PCDHGA3: variants seen among roughly 807,000 people sequenced by gnomAD.
The protein encoded by PCDHGA3 is protocadherin gamma subfamily A, 3.
In PCDHGA3, 40 loss-of-function variants were observed where a neutral mutation model predicts 58.5. That is an observed-to-expected ratio of 0.68 (90% CI 0.53 to 0.89). PCDHGA3 has a LOEUF of 0.89. Ranked by LOEUF, PCDHGA3 falls within the 40% of genes least tolerant of loss-of-function variation. PCDHGA3 has a pLI of 0.00. For missense variants in PCDHGA3, 1,223 were observed against 1,195.9 expected, an observed-to-expected ratio of 1.02 and a Z score of -0.33; for synonymous variants, 530 against 525.7, an observed-to-expected ratio of 1.01 and a Z score of -0.11.
chr5:141,362,542 G>A, intron 1 of PCDHGA3: 1 of 1,613,768 alleles, frequency 6.2e-7, no homozygotes, highest in Non-Finnish European at 8.5e-7. Context: ...TTTTGCCTCA[G>A]ATACTATTTT....
At chr5:141,364,743 TA>T in intron 1 of PCDHGA3, 1 of 1,613,916 alleles carries the variant, frequency 6.2e-7, no homozygotes. Context: ...GATGAAGAGT[TA>T]AAAGTAAAAG....
At chr5:141,443,383 G>A (rs1302172660) in intron 1 of PCDHGA3, among the ~76,000 whole-genome samples, 1 of 152,130 alleles carries the variant, frequency 6.6e-6, no homozygotes, top group Non-Finnish European at 1.5e-5. Flanking sequence ...TACTTGGGAG[G>A]CTGAGGTGTG....
At chr5:141,399,658 T>C (rs766038311) in intron 1 of PCDHGA3, 2 of 1,613,690 alleles carry the variant, frequency 1.2e-6, no homozygotes, top group South Asian at 2.2e-5. Flanking sequence ...TGGGGTGGTG[T>C]TCGCGCAGCG....
Position 141,387,890 on chromosome 5 carries a change from G to A in PCDHGA3, c.2424+41433G>A, listed in dbSNP as rs541321171. On this transcript the variant is annotated intron_variant, in intron 1 of 3. Coordinates refer to ENST00000253812, the MANE Select transcript of PCDHGA3 (RefSeq NM_018916.4). ...AGCTGAGGAGAGCAAGAGGGATGGG[G>A]AGCGGCGCCGGGGAGCTGGGCCGGG... The A allele has an allele frequency of 1.9e-6, 3 of 1,554,976 alleles. No homozygotes were observed. The South Asian group carries it at 3.7e-5, about 19-fold the overall frequency.
chr5:141,426,797 C>A (rs1487716495), intron 1 of PCDHGA3: 1 of 456,706 alleles, frequency 2.2e-6, no homozygotes, highest in Non-Finnish European at 4.4e-6. Context: ...GTTACCAGCT[C>A]AGTTCTAATG....
In PCDHGA3 at chr5:141,376,165, G is replaced by A. The variant is rs181247360; in HGVS notation, c.2424+29708G>A. ...ATTCGGACCTCACTCTGTACCTGGT[G>A]GTGGCGGTGGCCGCGGTCTCCTGCG... On this transcript the variant is annotated intron_variant, in intron 1 of 3. Coordinates refer to ENST00000253812, the MANE Select transcript of PCDHGA3 (RefSeq NM_018916.4). 5.0e-5 allele frequency: 80 copies of A among 1,614,136 alleles called. No individual in the cohort carries two copies. In the East Asian group the frequency reaches 1.2e-3, roughly 25 times the overall value.
Position 141,423,286 on chromosome 5 carries a change from ACCT to A in PCDHGA3, c.2425-71519_2425-71517del, listed in dbSNP as rs554024395. 8.7e-3 allele frequency: 13,966 copies of A among 1,613,746 alleles called. 98 individuals are homozygous for A. The highest frequency in any genetic ancestry group is 0.011 in the Middle Eastern group (68 of 6,062). ...CCTCGAGTCTCTGGCTAACTCTGAAACCTCAGACCTCTCGCTGTACTTGGTGGT... is the reference window on the plus strand; with the variant it reads ...CCTCGAGTCTCTGGCTAACTCTGAAACAGACCTCTCGCTGTACTTGGTGGT... On this transcript the variant is annotated intron_variant, in intron 1 of 3. Transcript: ENST00000253812.
In PCDHGA3 at chr5:141,345,596, C is replaced by G. The variant is rs375745755; in HGVS notation, c.1563C>G (p.Asp521Glu). Residue 521 changes from aspartate (D) to glutamate (E), a missense_variant, in exon 1 of 4, where the codon GAC becomes GAG. Around this residue, in one of 3 missense-constraint regions of PCDHGA3, gnomAD observed 791 missense variants for 708.5 expected, o/e 1.12. Coordinates refer to ENST00000253812, the MANE Select transcript of PCDHGA3 (RefSeq NM_018916.4). ...TGVLYALRSF[D>E]YEQFRDLKLL... ...TCCTATACGCGCTGAGATCCTTCGA[C>G]TACGAGCAATTTAGAGACTTAAAGC... is the stretch of plus-strand genomic sequence containing the variant. The G allele has an allele frequency of 6.2e-7, 1 of 1,614,112 alleles. No individual in the cohort carries two copies. The highest frequency in any genetic ancestry group is 1.3e-5 in the African/African-American group (1 of 74,924).
intron 2 of PCDHGA3, among the ~76,000 whole-genome samples, chr5:141,503,940 C>G (rs890249753): frequency 6.6e-6 from 1 of 152,218 alleles, no homozygotes; most frequent in Non-Finnish European, 1.5e-5. Flanking sequence ...TTCATGCCTT[C>G]AAGGCCTACC....
At chr5:141,458,891 G>A (rs775720263) in intron 1 of PCDHGA3, among the ~76,000 whole-genome samples, 10 of 151,976 alleles carry the variant, frequency 6.6e-5, no homozygotes, top group South Asian at 2.1e-4. Context: ...CACACCATGC[G>A]CAGCTAATTT....
chr5:141,500,176 A>ATTTT (rs1468241826), intron 2 of PCDHGA3, among the ~76,000 whole-genome samples: 91 of 145,916 alleles, frequency 6.2e-4, no homozygotes, highest in African/African-American at 2.3e-3. Context: ...CATGAGCTTC[A>ATTTT]TTTTTATTTT....
At position 141,422,501 on chromosome 5, in the gene PCDHGA3, C is replaced by T. The variant is rs1343881573; in HGVS notation, c.2425-72306C>T. On this transcript the variant is annotated intron_variant, in intron 1 of 3. Coordinates refer to ENST00000253812, the MANE Select transcript of PCDHGA3 (RefSeq NM_018916.4). ...CAGAGCTACAATATAACGTTGACAGCCACAGACCAGGGAAGCCCGCCTTTG... is the reference window on the plus strand; with the variant it reads ...CAGAGCTACAATATAACGTTGACAGTCACAGACCAGGGAAGCCCGCCTTTG... 9.3e-6 allele frequency: 15 copies of T among 1,613,810 alleles called. No individual in the cohort carries two copies. The highest frequency in any genetic ancestry group is 1.3e-5 in the Non-Finnish European group (15 of 1,179,872).
chr5:141,390,179 A>G (rs1561630532), intron 1 of PCDHGA3: 1 of 1,614,044 alleles, frequency 6.2e-7, no homozygotes, highest in African/African-American at 1.3e-5. Flanking sequence ...TTAATTTCCT[A>G]AAATGTAGTG....
intron 1 of PCDHGA3, chr5:141,433,260 C>A: frequency 1.5e-6 from 2 of 1,352,308 alleles, no homozygotes; most frequent in South Asian, 1.4e-5. Flanking sequence ...GCGGTACGAT[C>A]ATAGCTCACT....
chr5:141,370,311 A>G, intron 1 of PCDHGA3: 8 of 1,247,000 alleles, frequency 6.4e-6, no homozygotes, highest in Non-Finnish European at 8.9e-6. Context: ...CAAAGCAAAT[A>G]GTTGGTCCTG....
At chr5:141,506,188 C>T (rs925159785) in intron 3 of PCDHGA3, among the ~76,000 whole-genome samples, 2 of 152,058 alleles carry the variant, frequency 1.3e-5, no homozygotes, top group African/African-American at 4.8e-5. Flanking sequence ...TGGTGGCTCA[C>T]GCCTGTAATC....
chr5:141,460,909 G>GGT (rs548378036), intron 1 of PCDHGA3, among the ~76,000 whole-genome samples: 1,853 of 123,260 alleles, frequency 0.015, 18 homozygotes, highest in Non-Finnish European at 0.019. Context: ...AATATTCCAT[G>GGT]GTGTATATAT....
chr5:141,372,783 C>T lies in PCDHGA3; in HGVS notation c.2424+26326C>T, dbSNP rs1324941616. On this transcript the variant is annotated intron_variant, in intron 1 of 3. Coordinates refer to ENST00000253812, the MANE Select transcript of PCDHGA3 (RefSeq NM_018916.4). ...TGAAAGTAATGACAATCCAGAAATG[C>T]CTTCTAATTCAGGCAATTTGCAAAA... 5.0e-6 allele frequency: 8 copies of T among 1,606,014 alleles called. No homozygotes were observed. Among genetic ancestry groups the T allele is most frequent in the African/African-American group, 1.3e-5 (1 of 74,834 alleles).
At chr5:141,472,980 C>CAAAAAAAAAAAAAAAAAAAAAAAA (rs60579131) in intron 1 of PCDHGA3, among the ~76,000 whole-genome samples, 7 of 86,078 alleles carry the variant, frequency 8.1e-5, no homozygotes, top group African/African-American at 1.9e-4. Context: ...GAGTGAAACT[C>CAAAAAAAAAAAAAAAAAAAAAAAA]AAAAAAAAAA....
Sources: gnomAD v4.1 joint callset for allele counts (sites outside exome capture counted in the v4.1 genomes callset) on GRCh38, gnomAD v4.1.1 for gene constraint, gnomAD v4.1.1 regional missense constraint, MANE v1.5 for transcripts, NCBI Gene and HGNC (gene_info 2026-07-23, HGNC 2026-07-21) for gene names.